Variants in IGSF23 observed in about 807,000 individuals in gnomAD.
The protein encoded by IGSF23 is immunoglobulin superfamily, member 23.
IGSF23 carries 14 observed loss-of-function variants against 17.8 expected under a neutral mutation model. The observed-to-expected ratio is 0.79, with a 90% CI of 0.52 to 1.23. The LOEUF (loss-of-function observed/expected upper bound fraction) is 1.23. Ranked by LOEUF, IGSF23 falls within the 50% of genes most tolerant of loss-of-function variation. The pLI, the probability that IGSF23 is intolerant of heterozygous loss-of-function variation, is 0.00. For synonymous variants in IGSF23, 85 were observed against 92.5 expected (o/e 0.92, Z 0.46); for missense variants, 214 against 241.7 (o/e 0.89, Z 0.76).
intron 3 of IGSF23, among the ~76,000 whole-genome samples, 167 bp from the exon 4 acceptor site, chr19:44,635,234 A>G (rs1335212773): frequency 6.6e-6 from 1 of 152,058 alleles, no homozygotes; most frequent in African/African-American, 2.4e-5. Flanking sequence ...CACTCTTATG[A>G]TCTCATTTAA....
At chr19:44,627,325 G>T in intron 2 of IGSF23, 95 bp from the exon 3 acceptor site, 1 of 1,269,654 alleles carries the variant, frequency 7.9e-7, no homozygotes. Context: ...AGGATGGATT[G>T]AAGAGACACT....
intron 3 of IGSF23, 30 bp downstream of exon 3, chr19:44,627,603 G>T (rs1057224174): frequency 2.0e-6 from 3 of 1,532,610 alleles, no homozygotes; most frequent in Non-Finnish European, 1.8e-6. Context: ...CCGTCCACTG[G>T]GCAACATCCA....
At chr19:44,633,673 G>GT (rs1246122206) in intron 3 of IGSF23, among the ~76,000 whole-genome samples, 2 of 152,190 alleles carry the variant, frequency 1.3e-5, no homozygotes, top group African/African-American at 4.8e-5. Flanking sequence ...GACCAGTGCT[G>GT]TAGAGAAATG....
chr19:44,619,933 C>G (rs1208215799), intron 1 of IGSF23, among the ~76,000 whole-genome samples: 2 of 152,170 alleles, frequency 1.3e-5, no homozygotes, highest in Non-Finnish European at 2.9e-5. Context: ...CAGAGATCAA[C>G]TTAGTTAGGG....
At chr19:44,625,900 C>T (rs1385337070) in intron 2 of IGSF23, among the ~76,000 whole-genome samples, 1 of 152,192 alleles carries the variant, frequency 6.6e-6, no homozygotes, top group Non-Finnish European at 1.5e-5. Flanking sequence ...TTCCCCTGCA[C>T]ACATTCTCTT....
At chr19:44,619,032 G>A (rs932812793) in intron 1 of IGSF23, among the ~76,000 whole-genome samples, 1 of 152,014 alleles carries the variant, frequency 6.6e-6, no homozygotes, top group African/African-American at 2.4e-5. Context: ...GGTTCCACAG[G>A]TGGAAGTGTA....
intron 3 of IGSF23, 47 bp from the exon 4 acceptor site, chr19:44,635,353 TC>T: frequency 9.4e-7 from 1 of 1,061,450 alleles, no homozygotes. Flanking sequence ...TCTTATTCTC[TC>T]TCTCTCTCTC....
chr19:44,614,007 C>T (rs906848227), intron 1 of IGSF23: 5 of 1,501,898 alleles, frequency 3.3e-6, no homozygotes, highest in South Asian at 2.4e-5. Flanking sequence ...TTGGAGACAG[C>T]GGCTTCACCA....
intron 3 of IGSF23, among the ~76,000 whole-genome samples, chr19:44,630,689 C>T (rs940854808): frequency 6.6e-6 from 1 of 152,238 alleles, no homozygotes; most frequent in Non-Finnish European, 1.5e-5. Flanking sequence ...ATCCAATCAG[C>T]TGTGACCTTG....
intron 3 of IGSF23, 25 bp from the exon 4 acceptor site, chr19:44,635,354 CTCTCTCTCTCTCTCTCTCTCTG>C (rs1041676195): frequency 8.9e-6 from 10 of 1,126,088 alleles, no homozygotes; most frequent in Admixed American, 4.9e-5. Context: ...CTTATTCTCT[CTCTCTCTCTCTCTCTCTCTCTG>C]TCTCTCTCTC....
At chr19:44,621,465 A>G (rs1018390672) in intron 1 of IGSF23, among the ~76,000 whole-genome samples, 16 of 151,844 alleles carry the variant, frequency 1.1e-4, no homozygotes, top group Non-Finnish European at 1.8e-4. Context: ...CCTGGGCAAC[A>G]TGGTGAGACC....
intron 3 of IGSF23, among the ~76,000 whole-genome samples, chr19:44,629,378 C>T (rs1235586487): frequency 1.3e-5 from 2 of 151,714 alleles, no homozygotes; most frequent in African/African-American, 2.4e-5. Context: ...ATAGTGAGAC[C>T]CCGTCTCTAC....
At chr19:44,619,686 T>C (rs980874973) in intron 1 of IGSF23, among the ~76,000 whole-genome samples, 1 of 152,176 alleles carries the variant, frequency 6.6e-6, no homozygotes, top group African/African-American at 2.4e-5. Flanking sequence ...GCCTTCTCAT[T>C]CTGTCCTTGC....
At chr19:44,624,882 T>G in intron 2 of IGSF23, among the ~76,000 whole-genome samples, 1 of 127,802 alleles carries the variant, frequency 7.8e-6, no homozygotes, top group African/African-American at 3.2e-5. Context: ...GACAACATAG[T>G]GAGACCCTGT....
At chr19:44,619,239 G>A (rs941975781) in intron 1 of IGSF23, among the ~76,000 whole-genome samples, 5 of 152,132 alleles carry the variant, frequency 3.3e-5, no homozygotes, top group Non-Finnish European at 4.4e-5. Context: ...TAAGGGATCC[G>A]CCCCTGTGGC....
intron 1 of IGSF23, among the ~76,000 whole-genome samples, chr19:44,616,589 C>G (rs1327773306): frequency 6.7e-6 from 1 of 149,540 alleles, no homozygotes; most frequent in Non-Finnish European, 1.5e-5. Context: ...CCCAACTACT[C>G]GGGAGGCTGA....
intron 1 of IGSF23, among the ~76,000 whole-genome samples, chr19:44,617,300 G>A (rs7247676): frequency 0.14 from 20,958 of 151,906 alleles, 1,708 homozygotes; most frequent in East Asian, 0.35. Context: ...TCTTTTTGGG[G>A]TGACGAAAAT....
intron 1 of IGSF23, among the ~76,000 whole-genome samples, chr19:44,616,900 A>AAG (rs899763381): frequency 5.4e-5 from 8 of 149,284 alleles, no homozygotes; most frequent in African/African-American, 1.7e-4. Flanking sequence ...GAGAGAGAAA[A>AAG]AGAGAGAGAG....
intron 1 of IGSF23, among the ~76,000 whole-genome samples, chr19:44,618,677 G>A (rs1464659387): frequency 4.6e-5 from 7 of 152,178 alleles, no homozygotes; most frequent in African/African-American, 1.7e-4. Flanking sequence ...TGATGGGGAT[G>A]AGTGGGCCAC....
Sources: allele counts gnomAD v4.1 joint callset (sites outside exome capture counted in the v4.1 genomes callset), GRCh38; gene constraint gnomAD v4.1.1; transcripts MANE v1.5; gene names NCBI Gene and HGNC (gene_info 2026-07-23, HGNC 2026-07-21).